KDM2B: variants seen among roughly 807,000 people sequenced by gnomAD.
KDM2B encodes the protein lysine-specific demethylase 2B.
Under a neutral mutation model 150.0 loss-of-function variants are expected in KDM2B, and 26 were observed. The observed-to-expected ratio is 0.17, with a 90% CI of 0.13 to 0.24. The LOEUF is 0.24. Among genes scored for constraint, KDM2B ranks in the 10% least tolerant of loss-of-function variants. KDM2B has a pLI of 1.00. For missense variants in KDM2B, 1,265 were observed against 1,816.9 expected (o/e 0.70, Z 5.52); for synonymous variants, 734 against 729.5 (o/e 1.01, Z -0.10).
At chr12:121,478,561 G>A (rs186112883) in intron 12 of KDM2B, among the ~76,000 whole-genome samples, 28 of 151,518 alleles carry the variant, frequency 1.8e-4, no homozygotes, top group Admixed American at 4.0e-4. Context: ...GGGTTTCACC[G>A]TGTTAACCAG....
intron 6 of KDM2B, among the ~76,000 whole-genome samples, chr12:121,543,186 T>C (rs1380237470): frequency 6.6e-6 from 1 of 151,680 alleles, no homozygotes; most frequent in African/African-American, 2.4e-5. Flanking sequence ...GAAACCCCTG[T>C]CTCTACTAAA....
chr12:121,428,643 A>C (rs1393197622), downstream of KDM2B, among the ~76,000 whole-genome samples: 1 of 152,206 alleles, frequency 6.6e-6, no homozygotes. Context: ...TCACTAGAGC[A>C]GTTGTTTCTG....
chr12:121,531,145 C>G (rs1887633255), intron 8 of KDM2B, among the ~76,000 whole-genome samples: 1 of 152,078 alleles, frequency 6.6e-6, no homozygotes, highest in Admixed American at 6.6e-5. Context: ...CAGGGTGTCC[C>G]CTATAAACGC....
chr12:121,485,853 T>G (rs1882697872), intron 12 of KDM2B, among the ~76,000 whole-genome samples: 1 of 152,028 alleles, frequency 6.6e-6, no homozygotes. Flanking sequence ...CTCGGCTCAT[T>G]GCAACCTCCA....
intron 11 of KDM2B, among the ~76,000 whole-genome samples, chr12:121,496,900 GC>G (rs1319236053): frequency 6.6e-6 from 1 of 152,022 alleles, no homozygotes; most frequent in African/African-American, 2.4e-5. Flanking sequence ...GCAGGTGTGA[GC>G]CCCCCAAAGT....
chr12:121,435,959 G>A (rs531637287), intron 22 of KDM2B, among the ~76,000 whole-genome samples: 86 of 152,270 alleles, frequency 5.6e-4, no homozygotes, highest in African/African-American at 1.9e-3. Flanking sequence ...AAGCTGAGGA[G>A]GGCCTCTGCT....
At position 121,452,582 on chromosome 12, in the gene KDM2B, G is replaced by A. The variant is rs984091419; in HGVS notation, c.1959+538C>T. On this transcript the variant is annotated intron_variant, in intron 13 of 22. Transcript: ENST00000377071. The surrounding 1 kb of genome is among the most constrained non-coding windows in gnomAD (Gnocchi z 4.4). ...ACAAGGGAATTCAAGGGCAAACCCCGCGACCTCGCCCCGTTGCGAAGTCCA... is the reference window on the plus strand; with the variant it reads ...ACAAGGGAATTCAAGGGCAAACCCCACGACCTCGCCCCGTTGCGAAGTCCA... 2.6e-5 allele frequency among the ~76,000 whole-genome samples: 4 copies of A among 152,254 alleles called. No individual in the cohort carries two copies. Among genetic ancestry groups the A allele is most frequent in the African/African-American group, 9.6e-5 (4 of 41,466 alleles).
intron 11 of KDM2B, among the ~76,000 whole-genome samples, chr12:121,509,152 A>G (rs1361587130): frequency 1.3e-4 from 19 of 151,972 alleles, no homozygotes; most frequent in African/African-American, 4.1e-4. Context: ...TCCACCTCCC[A>G]GGTTCGAGCA....
intron 11 of KDM2B, among the ~76,000 whole-genome samples, chr12:121,504,656 C>T (rs187795496): frequency 6.6e-6 from 1 of 152,196 alleles, no homozygotes; most frequent in Admixed American, 6.5e-5. Flanking sequence ...TGGGACTGTC[C>T]ACAGTGATAA....
At chr12:121,491,368 A>C (rs1555299880) in intron 12 of KDM2B, among the ~76,000 whole-genome samples, 1 of 152,092 alleles carries the variant, frequency 6.6e-6, no homozygotes, top group Non-Finnish European at 1.5e-5. Context: ...TATACTGGGG[A>C]GTGCCCAGGA....
At chr12:121,569,760 C>T (rs115662121) in intron 4 of KDM2B, among the ~76,000 whole-genome samples, 3,087 of 152,248 alleles carry the variant, frequency 0.02, 111 homozygotes, top group African/African-American at 0.07. Flanking sequence ...ATTCATCGCT[C>T]CATTTGATCA....
At chr12:121,417,797 C>T in the KDM2B span, 1 of 1,614,020 alleles carries the variant, frequency 6.2e-7, no homozygotes, top group Non-Finnish European at 8.5e-7. This position sits in a 1 kb window ranked among gnomAD's most constrained non-coding sequence, Gnocchi z 5.0. Context: ...AGACTTCTAG[C>T]TTTTTTACAC....
chr12:121,478,347 CCCT>C (rs1322004759), intron 12 of KDM2B, among the ~76,000 whole-genome samples: 1 of 146,440 alleles, frequency 6.8e-6, no homozygotes, highest in Non-Finnish European at 1.5e-5. Context: ...CCTACCTCCA[CCCT>C]CAAGTAGATC....
chr12:121,559,051 GT>G (rs1489719961), intron 4 of KDM2B, among the ~76,000 whole-genome samples: 2 of 152,198 alleles, frequency 1.3e-5, no homozygotes, highest in African/African-American at 4.8e-5. Flanking sequence ...CCAAGCCAGG[GT>G]CCCCGCTGAC....
intron 1 of KDM2B, chr12:121,579,918 G>C: frequency 7.4e-7 from 1 of 1,353,664 alleles, no homozygotes; most frequent in Non-Finnish European, 9.5e-7. Context: ...TACAGAAAAG[G>C]AAAGAAAAGG....
chr12:121,434,001 A>G (rs1202805905), intron 22 of KDM2B, among the ~76,000 whole-genome samples: 1 of 151,586 alleles, frequency 6.6e-6, no homozygotes, highest in Non-Finnish European at 1.5e-5. Flanking sequence ...CAACATAGCA[A>G]AAGCCTGTCT....
chr12:121,563,270 G>A (rs191106872), intron 4 of KDM2B, among the ~76,000 whole-genome samples: 4 of 152,088 alleles, frequency 2.6e-5, no homozygotes, highest in East Asian at 1.9e-4. Context: ...AGGTGTGATT[G>A]TGCCACTGCC....
chr12:121,486,157 G>A (rs1304945935), intron 12 of KDM2B, among the ~76,000 whole-genome samples: 21 of 149,056 alleles, frequency 1.4e-4, no homozygotes, highest in African/African-American at 5.2e-4. Flanking sequence ...TTGCCAGGCT[G>A]GAGTTCAGTG....
At position 121,430,035 on chromosome 12, in the gene KDM2B, G is replaced by A; in HGVS notation, c.*253C>T. 1 of 1,196,994 alleles carries A rather than the reference G, an allele frequency of 8.4e-7. No individual in the cohort carries two copies. The highest frequency in any genetic ancestry group is 1.3e-6 in the Non-Finnish European group (1 of 799,422). The allele number at this position is 1,196,994 out of a possible 1,614,324, so 74.1% of individuals were successfully genotyped here. A position where few individuals can be genotyped will look rare whatever the true frequency, so the allele number is the denominator to read the frequency against. The stretch of plus-strand genomic sequence containing the variant: ...GTCCACCCTCCTCTCCGACAGGAAT[G>A]TCTTCTTGTAAAGGCCGCCTTAGAA... On this transcript the variant is annotated 3_prime_UTR_variant, in exon 23 of 23. Transcript: ENST00000377071. This position sits in a 1 kb window ranked among gnomAD's most constrained non-coding sequence, Gnocchi z 4.4.
Sources: allele counts gnomAD v4.1 joint callset (sites outside exome capture counted in the v4.1 genomes callset), GRCh38; gene constraint gnomAD v4.1.1; non-coding constraint Gnocchi (gnomAD v3.1); transcripts MANE v1.5; gene names NCBI Gene and HGNC (gene_info 2026-07-23, HGNC 2026-07-21).